The following HTR1F variants were observed in gnomAD, a reference collection of about 807,000 sequenced individuals.
HTR1F encodes 5-hydroxytryptamine (serotonin) receptor 1F, G protein-coupled.
HTR1F carries 17 observed loss-of-function variants against 24.0 expected under a neutral mutation model. The observed-to-expected ratio is 0.71, with a 90% CI of 0.48 to 1.06. The LOEUF (loss-of-function observed/expected upper bound fraction) is 1.06, where lower values mean the gene tolerates loss of function less well. Among genes scored for constraint, HTR1F ranks in the 50% least tolerant of loss-of-function variants. The pLI is 0.00. For missense variants in HTR1F, 391 were observed against 427.8 expected, an observed-to-expected ratio of 0.91 and a Z score of 0.76; for synonymous variants, 186 against 156.8, an observed-to-expected ratio of 1.19 and a Z score of -1.39.
At chr3:87,879,152 G>A (rs910006344) in intron 2 of HTR1F, among the ~76,000 whole-genome samples, 8 of 152,092 alleles carry the variant, frequency 5.3e-5, no homozygotes, top group African/African-American at 1.9e-4. Flanking sequence ...TTAAAAGAAT[G>A]CTAAGTCAAA....
chr3:87,959,656 T>A (rs1397669792), intron 2 of HTR1F, among the ~76,000 whole-genome samples: 1 of 151,884 alleles, frequency 6.6e-6, no homozygotes, highest in Non-Finnish European at 1.5e-5. Context: ...AAGTGCATTG[T>A]TGAAAGGATT....
chr3:87,931,192 T>TC (rs1054326305), intron 2 of HTR1F, among the ~76,000 whole-genome samples: 12 of 151,844 alleles, frequency 7.9e-5, no homozygotes, highest in Non-Finnish European at 1.8e-4. Context: ...ATGCTATCAC[T>TC]CCCCCCTCCC....
At chr3:87,927,030 G>GA (rs61263722) in intron 2 of HTR1F, among the ~76,000 whole-genome samples, 29,559 of 151,840 alleles carry the variant, frequency 0.19, 3,358 homozygotes, top group African/African-American at 0.32. Flanking sequence ...GATGAAAAGA[G>GA]AAAAAAATGA....
intron 2 of HTR1F, among the ~76,000 whole-genome samples, chr3:87,930,022 G>A (rs982855946): frequency 1.3e-5 from 2 of 152,040 alleles, no homozygotes; most frequent in Non-Finnish European, 2.9e-5. Flanking sequence ...TCACCTCCCT[G>A]GTTAGCTGTA....
At chr3:87,832,311 C>A (rs1704596265) in intron 2 of HTR1F, among the ~76,000 whole-genome samples, 1 of 147,722 alleles carries the variant, frequency 6.8e-6, no homozygotes, top group Admixed American at 6.8e-5. Flanking sequence ...ATAAGAATAT[C>A]CCTTCTTTTT....
At chr3:87,961,454 G>A (rs1316576065) in intron 2 of HTR1F, among the ~76,000 whole-genome samples, 1 of 151,964 alleles carries the variant, frequency 6.6e-6, no homozygotes, top group Admixed American at 6.6e-5. Flanking sequence ...CTGGCTACTT[G>A]TGCTGTTAAA....
intron 2 of HTR1F, among the ~76,000 whole-genome samples, chr3:87,902,388 A>AC (rs1706344178): frequency 6.6e-6 from 1 of 152,096 alleles, no homozygotes; most frequent in African/African-American, 2.4e-5. Flanking sequence ...CTTGATTCCT[A>AC]CCCCACAGCA....
intron 2 of HTR1F, among the ~76,000 whole-genome samples, chr3:87,838,694 C>A (rs1704734063): frequency 6.6e-6 from 1 of 151,954 alleles, no homozygotes; most frequent in Non-Finnish European, 1.5e-5. Context: ...TGTGCACATG[C>A]ATTGTGAAAA....
At chr3:87,881,106 G>A (rs536715979) in intron 2 of HTR1F, among the ~76,000 whole-genome samples, 13 of 152,294 alleles carry the variant, frequency 8.5e-5, no homozygotes, top group African/African-American at 2.9e-4. Flanking sequence ...CACGGAGGGT[G>A]AGCCTAAGCA....
At chr3:87,864,677 C>A (rs1437372229) in intron 2 of HTR1F, among the ~76,000 whole-genome samples, 4 of 152,034 alleles carry the variant, frequency 2.6e-5, no homozygotes, top group Admixed American at 1.3e-4. Flanking sequence ...GGGCAGATCA[C>A]CTGAGGTCAC....
chr3:87,832,735 T>C (rs541326134), intron 2 of HTR1F, among the ~76,000 whole-genome samples: 2 of 152,346 alleles, frequency 1.3e-5, no homozygotes, highest in Middle Eastern at 3.4e-3. Flanking sequence ...AGCTGTGTCA[T>C]TGTCAGACAG....
At chr3:87,797,659 GA>G (rs35725666) in intron 1 of HTR1F, among the ~76,000 whole-genome samples, 8 of 150,108 alleles carry the variant, frequency 5.3e-5, no homozygotes, top group Admixed American at 2.7e-4. Flanking sequence ...GCATGAATCT[GA>G]AAAAAAAATG....
intron 2 of HTR1F, among the ~76,000 whole-genome samples, chr3:87,908,336 A>ATTGCTAAG (rs1187940874): frequency 6.6e-6 from 1 of 151,980 alleles, no homozygotes. Flanking sequence ...AAATAACCAT[A>ATTGCTAAG]TTGCTAAGTT....
intron 2 of HTR1F, among the ~76,000 whole-genome samples, chr3:87,863,230 G>C (rs375258644): frequency 6.6e-6 from 1 of 152,134 alleles, no homozygotes; most frequent in Admixed American, 6.6e-5. Flanking sequence ...TTTGAGTTTG[G>C]GGGGGTTTTG....
intron 2 of HTR1F, among the ~76,000 whole-genome samples, chr3:87,879,864 A>G (rs1705750810): frequency 6.6e-6 from 1 of 151,902 alleles, no homozygotes; most frequent in South Asian, 2.1e-4. Context: ...TAATGATGGC[A>G]TATTTTTTTC....
At chr3:87,795,527 G>C (rs1703890171) in intron 1 of HTR1F, among the ~76,000 whole-genome samples, 3 of 152,082 alleles carry the variant, frequency 2.0e-5, no homozygotes, top group Non-Finnish European at 4.4e-5. Flanking sequence ...GCTGTTTGAG[G>C]CAGGGTAAAC....
In HTR1F at chr3:87,818,326, G is replaced by A. The variant is rs115921604; in HGVS notation, c.-159-3682G>A. On this transcript the variant is annotated intron_variant, in intron 1 of 2. Coordinates refer to ENST00000319595, the MANE Select transcript of HTR1F (RefSeq NM_001322209.2). ...TGGGCATAAAGGAAGGGTGACAGTG[G>A]AGCAGCTTCAGGCCCACTGTTTGGC... Among the ~76,000 whole-genome samples, 374 of 152,264 alleles carry A rather than the reference G, an allele frequency of 2.5e-3. 1 individual carries two copies. Among genetic ancestry groups the A allele is most frequent in the Non-Finnish European group, 3.9e-3 (266 of 68,032 alleles).
At chr3:87,954,358 C>A (rs1704899202) in intron 2 of HTR1F, among the ~76,000 whole-genome samples, 1 of 151,598 alleles carries the variant, frequency 6.6e-6, no homozygotes, top group South Asian at 2.1e-4. Context: ...AGACTAGAAA[C>A]TCTAAGAAAA....
chr3:87,985,496 C>T (rs1705643786), intron 2 of HTR1F, among the ~76,000 whole-genome samples: 1 of 152,212 alleles, frequency 6.6e-6, no homozygotes, highest in Non-Finnish European at 1.5e-5. Flanking sequence ...GATTATTAAA[C>T]ATCTGTGCTT....
Sources: gnomAD v4.1 joint callset for allele counts (sites outside exome capture counted in the v4.1 genomes callset) on GRCh38, gnomAD v4.1.1 for gene constraint, MANE v1.5 for transcripts, NCBI Gene and HGNC (gene_info 2026-07-23, HGNC 2026-07-21) for gene names.